The following DACH1 variants were observed in gnomAD, a reference collection of about 807,000 sequenced individuals.
DACH1 encodes the protein dachshund homolog 1.
DACH1 carries 12 observed loss-of-function variants against 54.2 expected under a neutral mutation model. The ratio of observed to expected loss-of-function variants is 0.22; its 90% CI spans 0.14 to 0.36. The LOEUF (loss-of-function observed/expected upper bound fraction) is 0.36, where lower values mean the gene tolerates loss of function less well. Ranked by LOEUF, DACH1 falls within the 10% of genes least tolerant of loss-of-function variation. The pLI is 1.00. For synonymous variants in DACH1, 386 were observed against 366.2 expected, an observed-to-expected ratio of 1.05 and a Z score of -0.62; for missense variants, 805 against 929.8, an observed-to-expected ratio of 0.87 and a Z score of 1.75.
chr13:71,509,318 T>C (rs1035685770), intron 6 of DACH1, among the ~76,000 whole-genome samples: 1 of 151,868 alleles, frequency 6.6e-6, no homozygotes, highest in Non-Finnish European at 1.5e-5. Flanking sequence ...CATTCTTTCA[T>C]GAAACAGATC....
chr13:71,715,422 A>T (rs1179360579), intron 1 of DACH1, among the ~76,000 whole-genome samples: 1 of 152,142 alleles, frequency 6.6e-6, no homozygotes, highest in African/African-American at 2.4e-5. Flanking sequence ...CAGTGAGCAC[A>T]AAGGAAAAAG....
intron 2 of DACH1, among the ~76,000 whole-genome samples, chr13:71,643,622 A>C (rs1056458110): frequency 6.6e-6 from 1 of 152,212 alleles, no homozygotes; most frequent in African/African-American, 2.4e-5. Flanking sequence ...TTTGTGAAGT[A>C]TTATCTTACG....
chr13:71,558,134 T>C (rs997064896), intron 5 of DACH1, among the ~76,000 whole-genome samples: 1 of 152,062 alleles, frequency 6.6e-6, no homozygotes, highest in Non-Finnish European at 1.5e-5. Flanking sequence ...TAAACGATGA[T>C]GAATTTGAGA....
Position 71,506,605 on chromosome 13 carries a change from C to T in DACH1, c.1571-17457G>A, listed in dbSNP as rs550975242. Among the ~76,000 whole-genome samples the T allele has an allele frequency of 1.3e-3, 201 of 152,052 alleles. 3 individuals carry two copies. The East Asian group carries it at 0.031, about 24-fold the overall frequency. On this transcript the variant is annotated intron_variant, in intron 6 of 10. Coordinates refer to ENST00000613252, the MANE Select transcript of DACH1 (RefSeq NM_080759.6). ...AAGAGCCCGCATCGCCAAGTCAATC[C>T]TAAGCCAAAAGAACAAAGCTGGAGG...
chr13:71,799,906 T>C (rs1049543449), intron 1 of DACH1, among the ~76,000 whole-genome samples: 1 of 152,160 alleles, frequency 6.6e-6, no homozygotes, highest in African/African-American at 2.4e-5. Context: ...GTGTCTTATA[T>C]GTGTGTACAC....
chr13:71,865,783 G>C (rs1874705824), intron 1 of DACH1, 139 bp downstream of exon 1: 2 of 1,271,688 alleles, frequency 1.6e-6, no homozygotes, highest in Admixed American at 8.6e-5. Flanking sequence ...GCCCCGAGCA[G>C]GGAGAGGAGA....
chr13:71,517,432 G>T (rs951916676), intron 6 of DACH1, among the ~76,000 whole-genome samples: 1 of 151,878 alleles, frequency 6.6e-6, no homozygotes, highest in Non-Finnish European at 1.5e-5. Context: ...GATTATGAAT[G>T]TGTGTCCATT....
intron 1 of DACH1, among the ~76,000 whole-genome samples, chr13:71,780,705 A>G (rs1886334798): frequency 6.6e-6 from 1 of 151,388 alleles, no homozygotes; most frequent in Admixed American, 6.6e-5. Context: ...CTCTTCCTTC[A>G]CTTAACTTTT....
At chr13:71,825,892 C>G (rs1888358589) in intron 1 of DACH1, among the ~76,000 whole-genome samples, 1 of 151,938 alleles carries the variant, frequency 6.6e-6, no homozygotes, top group Non-Finnish European at 1.5e-5. Context: ...TAATATTTTG[C>G]TTCTGGGAAG....
At chr13:71,832,331 C>A (rs1383526674) in intron 1 of DACH1, among the ~76,000 whole-genome samples, 2 of 151,826 alleles carry the variant, frequency 1.3e-5, no homozygotes, top group Non-Finnish European at 2.9e-5. Flanking sequence ...GAGTATTGTT[C>A]TCCCCAATAG....
intron 2 of DACH1, among the ~76,000 whole-genome samples, chr13:71,642,590 C>A (rs1351370454): frequency 6.6e-6 from 1 of 152,122 alleles, no homozygotes; most frequent in Non-Finnish European, 1.5e-5. Context: ...TCTAGTCACT[C>A]TTTTTTGTCA....
intron 3 of DACH1, among the ~76,000 whole-genome samples, chr13:71,579,535 CT>C (rs1163282010): frequency 6.6e-6 from 1 of 152,036 alleles, no homozygotes; most frequent in African/African-American, 2.4e-5. Flanking sequence ...ACAATGGCTT[CT>C]TTATCCTGAG....
intron 1 of DACH1, among the ~76,000 whole-genome samples, chr13:71,709,933 G>A (rs953179752): frequency 1.3e-5 from 2 of 152,044 alleles, no homozygotes; most frequent in Admixed American, 6.5e-5. Flanking sequence ...CTACAGCCTC[G>A]AATTTCTGGG....
rs563241020 is a variant in DACH1, at chr13:71,770,364, CT to C, written c.849-88455del. On this transcript the variant is annotated intron_variant, in intron 1 of 10. Coordinates refer to ENST00000613252, the MANE Select transcript of DACH1 (RefSeq NM_080759.6). ...AGTTAACGGTATTTAAAATATTTGG[CT>C]CTTAATCAGACTATTTTGTCACCTC... Among the ~76,000 whole-genome samples the C allele has an allele frequency of 3.5e-3, 525 of 151,688 alleles. 4 individuals carry two copies. The highest frequency in any genetic ancestry group is 5.3e-3 in the Admixed American group (81 of 15,218).
intron 1 of DACH1, among the ~76,000 whole-genome samples, chr13:71,704,871 C>T (rs944838908): frequency 8.6e-5 from 13 of 151,788 alleles, no homozygotes; most frequent in Admixed American, 2.0e-4. Flanking sequence ...GCTCAATTGG[C>T]TAGAAATCGG....
chr13:71,462,871 TAC>T (rs374818301), intron 10 of DACH1, among the ~76,000 whole-genome samples: 9,460 of 102,784 alleles, frequency 0.092, 986 homozygotes, highest in African/African-American at 0.26. Flanking sequence ...TCTATCTATC[TAC>T]ACACACACAC....
Position 71,572,933 on chromosome 13 carries a change from C to T in DACH1, c.1206G>A (p.Met402Ile), listed in dbSNP as rs370098956. The T allele has an allele frequency of 1.2e-4, 190 of 1,614,064 alleles. No homozygotes were observed. The highest frequency in any genetic ancestry group is 1.5e-4 in the Non-Finnish European group (178 of 1,179,984). ...SLPPASVTMA[M>I]SQMNHLSTIA... ...TGGTGCTGAGGTGGTTCATCTGGCT[C>T]ATTGCCATGGTGACAGATGCTGGAG... is the stretch of plus-strand genomic sequence containing the variant. The change falls in exon 4 of 11, where the codon ATG becomes ATA. Residue 402 changes from methionine to isoleucine, a missense_variant. Met to Ile is a conservative substitution (Grantham distance 10). Transcript: ENST00000613252.
At chr13:71,800,248 T>C (rs1174851019) in intron 1 of DACH1, among the ~76,000 whole-genome samples, 1 of 152,010 alleles carries the variant, frequency 6.6e-6, no homozygotes, top group African/African-American at 2.4e-5. Flanking sequence ...AGAAAGGAAC[T>C]AAAATAAGGC....
At chr13:71,673,209 T>C (rs1371724725) in intron 2 of DACH1, among the ~76,000 whole-genome samples, 1 of 152,118 alleles carries the variant, frequency 6.6e-6, no homozygotes, top group Non-Finnish European at 1.5e-5. Flanking sequence ...TATGTGGTTA[T>C]TTAATTAAGT....
Sources: gnomAD v4.1 joint callset for allele counts (sites outside exome capture counted in the v4.1 genomes callset) on GRCh38, gnomAD v4.1.1 for gene constraint, MANE v1.5 for transcripts, NCBI Gene and HGNC (gene_info 2026-07-23, HGNC 2026-07-21) for gene names.